The following TLN2 variants were observed in gnomAD, a reference collection of about 807,000 sequenced individuals.
TLN2 encodes talin 2, also known as talin-2.
A neutral mutation model predicts 294.7 loss-of-function variants in TLN2; 118 were observed. The ratio of observed to expected loss-of-function variants is 0.40; its 90% CI spans 0.34 to 0.47. The LOEUF is 0.47. TLN2 is among the 20% of genes least tolerant of loss of function. The pLI is 0.84. For missense variants in TLN2, 3,083 were observed against 3,282.2 expected (o/e 0.94, Z 1.48); for synonymous variants, 1,431 against 1,304.5 (o/e 1.10, Z -2.09).
chr15:62,478,950 G>A (rs2037932802), intron 1 of TLN2, among the ~76,000 whole-genome samples: 1 of 152,246 alleles, frequency 6.6e-6, no homozygotes, highest in African/African-American at 2.4e-5. Flanking sequence ...GGCCAGGTAT[G>A]TGTTGCAGTT....
chr15:62,803,926 T>C (rs1156544640), intron 50 of TLN2, among the ~76,000 whole-genome samples: 1 of 152,188 alleles, frequency 6.6e-6, no homozygotes, highest in Non-Finnish European at 1.5e-5. Flanking sequence ...GTGCCTGTCT[T>C]TCTTGGGAAG....
chr15:62,765,792 C>G (rs1264427944), intron 40 of TLN2, among the ~76,000 whole-genome samples: 1 of 152,208 alleles, frequency 6.6e-6, no homozygotes, highest in Non-Finnish European at 1.5e-5. Flanking sequence ...TGCATGCACA[C>G]TACCAAACAC....
At chr15:62,709,463 T>G (rs2059283331) in intron 21 of TLN2, among the ~76,000 whole-genome samples, 1 of 152,156 alleles carries the variant, frequency 6.6e-6, no homozygotes, top group Non-Finnish European at 1.5e-5. Context: ...TTGGTTAGTT[T>G]GCATATCAAA....
chr15:62,695,802 A>G (rs2058286400), intron 14 of TLN2, among the ~76,000 whole-genome samples: 1 of 152,190 alleles, frequency 6.6e-6, no homozygotes, highest in African/African-American at 2.4e-5. Context: ...ATTGGATGTA[A>G]ATTAGTGAGC....
At chr15:62,701,047 T>A in intron 16 of TLN2, 59 bp from the exon 17 acceptor site, 1 of 1,445,056 alleles carries the variant, frequency 6.9e-7, no homozygotes, top group Admixed American at 1.9e-5. Context: ...GCGGGGCTTC[T>A]CCGGTCTCCT....
At position 62,409,149 on chromosome 15, in the gene TLN2, A is replaced by AT. The variant is rs143913767; in HGVS notation, c.-238+18473dup. 2.4e-4 allele frequency among the ~76,000 whole-genome samples: 36 copies of AT among 148,380 alleles called. 1 individual carries two copies. Among genetic ancestry groups the AT allele is most frequent in the Admixed American group, 8.8e-4 (13 of 14,806 alleles). On this transcript the variant is annotated intron_variant, in intron 1 of 58. Coordinates refer to ENST00000636159, the MANE Select transcript of TLN2 (RefSeq NM_015059.3). ...GCACCACCATGACTGACTGTTGGGG[A>AT]TTTTTTTTTGTAGAGACTGGCCATG... is the stretch of plus-strand genomic sequence containing the variant.
intron 45 of TLN2, 27 bp from the exon 46 acceptor site, chr15:62,792,614 T>A (rs984574656): frequency 1.9e-6 from 3 of 1,608,166 alleles, no homozygotes; most frequent in African/African-American, 2.7e-5. Context: ...ACGCTTCTCC[T>A]TCCCCATCCT....
At chr15:62,544,623 C>G (rs1247648826) in intron 1 of TLN2, among the ~76,000 whole-genome samples, 1 of 152,126 alleles carries the variant, frequency 6.6e-6, no homozygotes, top group Non-Finnish European at 1.5e-5. Flanking sequence ...CCGCTTCTGG[C>G]TTATCTGCCA....
intron 14 of TLN2, among the ~76,000 whole-genome samples, chr15:62,695,678 T>A (rs1361510793): frequency 6.6e-6 from 1 of 152,194 alleles, no homozygotes; most frequent in Non-Finnish European, 1.5e-5. Flanking sequence ...CCAAAAGGTG[T>A]TTTTCCATTT....
intron 16 of TLN2, among the ~76,000 whole-genome samples, chr15:62,699,630 G>A (rs1235420910): frequency 6.6e-6 from 1 of 152,120 alleles, no homozygotes; most frequent in Non-Finnish European, 1.5e-5. Flanking sequence ...CAATTCCTAG[G>A]GTCTTGTAAG....
rs752952828 is a variant in TLN2 at position 62,623,972 on chromosome 15, GT to G, written c.-37+5498del. Among the ~76,000 whole-genome samples, 7 of 152,206 alleles carry G rather than the reference GT, an allele frequency of 4.6e-5. No homozygotes were observed. The South Asian group carries it at 1.0e-3, about 23-fold the overall frequency. ...GTATTACTGTACTTTTTCCTTTGCTGTCAATCACATGATGGCTAGGATTCAG... is the reference window on the plus strand; with the variant it reads ...GTATTACTGTACTTTTTCCTTTGCTGCAATCACATGATGGCTAGGATTCAG... On this transcript the variant is annotated intron_variant, in intron 3 of 58. Coordinates refer to ENST00000636159, the MANE Select transcript of TLN2 (RefSeq NM_015059.3).
In TLN2 at chr15:62,820,436, C is replaced by T. The variant is rs191560330; in HGVS notation, c.6878-50C>T. Reference sequence around the variant, plus strand: ...GATAGTGTTTTTAATTAAGCCAGTGCCCTGAGGTCTGCAGCTATGAAGAAT... The same window carrying T: ...GATAGTGTTTTTAATTAAGCCAGTGTCCTGAGGTCTGCAGCTATGAAGAAT... On this transcript the variant is annotated intron_variant, in intron 53 of 58. Transcript: ENST00000636159. 13 of 1,600,220 alleles carry T rather than the reference C, an allele frequency of 8.1e-6. No homozygotes were observed. The East Asian group carries it at 2.7e-4, about 33-fold the overall frequency.
intron 56 of TLN2, 41 bp downstream of exon 56, chr15:62,835,840 C>A (rs1413640052): frequency 1.2e-6 from 2 of 1,614,168 alleles, no homozygotes; most frequent in South Asian, 2.2e-5. Flanking sequence ...CTTTTGGGGT[C>A]CCCTGAGGGA....
chr15:62,640,120 C>G (rs932596534), intron 3 of TLN2: 1 of 454,308 alleles, frequency 2.2e-6, no homozygotes. Context: ...ATTTGCAGCA[C>G]TTCTGGGTGG....
chr15:62,396,163 T>C (rs940863069), intron 1 of TLN2, among the ~76,000 whole-genome samples: 14 of 152,174 alleles, frequency 9.2e-5, no homozygotes, highest in African/African-American at 3.1e-4. Context: ...AGAAGCCCTA[T>C]GTGTATGACC....
chr15:62,512,192 G>C (rs2039970098), intron 1 of TLN2, among the ~76,000 whole-genome samples: 1 of 152,104 alleles, frequency 6.6e-6, no homozygotes, highest in African/African-American at 2.4e-5. Context: ...GAGCCCCTCA[G>C]CATCTTTTTG....
chr15:62,568,684 T>A (rs1247879994), intron 1 of TLN2, among the ~76,000 whole-genome samples: 9 of 152,138 alleles, frequency 5.9e-5, no homozygotes, highest in Non-Finnish European at 1.0e-4. Flanking sequence ...ACACCTTCTC[T>A]CTTGACCCTG....
At chr15:62,642,136 G>A (rs2051192067) in intron 3 of TLN2, among the ~76,000 whole-genome samples, 1 of 152,200 alleles carries the variant, frequency 6.6e-6, no homozygotes, top group African/African-American at 2.4e-5. Flanking sequence ...CATACAATGA[G>A]GGCAGAAATG....
intron 1 of TLN2, among the ~76,000 whole-genome samples, chr15:62,398,437 CAG>C: frequency 6.6e-6 from 1 of 152,158 alleles, no homozygotes; most frequent in African/African-American, 2.4e-5. Context: ...ATTGGTACCG[CAG>C]AGAGTGGGGT....
Sources: gnomAD v4.1 joint callset for allele counts (sites outside exome capture counted in the v4.1 genomes callset) on GRCh38, gnomAD v4.1.1 for gene constraint, MANE v1.5 for transcripts, NCBI Gene and HGNC (gene_info 2026-07-23, HGNC 2026-07-21) for gene names.